PAK5: variants seen among roughly 807,000 people sequenced by gnomAD.
The protein encoded by PAK5 is p21 (RAC1) activated kinase 5.
PAK5 carries 16 observed loss-of-function variants against 65.9 expected under a neutral mutation model. The observed-to-expected ratio is 0.24, with a 90% CI of 0.16 to 0.37. The LOEUF is 0.37. PAK5 is among the 10% of genes least tolerant of loss of function. The pLI is 1.00. For missense variants in PAK5, 785 were observed against 903.9 expected, an observed-to-expected ratio of 0.87 and a Z score of 1.69; for synonymous variants, 371 against 354.9, an observed-to-expected ratio of 1.05 and a Z score of -0.51.
intron 3 of PAK5, among the ~76,000 whole-genome samples, chr20:9,642,044 A>AGC (rs2047075445): frequency 6.6e-6 from 1 of 152,202 alleles, no homozygotes; most frequent in Admixed American, 6.5e-5. Context: ...CCCACAGTGC[A>AGC]GCGGGGGGGC....
At chr20:9,825,517 T>C (rs1385690051) in intron 1 of PAK5, among the ~76,000 whole-genome samples, 1 of 152,182 alleles carries the variant, frequency 6.6e-6, no homozygotes, top group Non-Finnish European at 1.5e-5. Context: ...ACCATCCTTT[T>C]GCGTTTTGAT....
chr20:9,819,572 T>C (rs1322676505), intron 1 of PAK5, among the ~76,000 whole-genome samples: 1 of 152,204 alleles, frequency 6.6e-6, no homozygotes, highest in Non-Finnish European at 1.5e-5. Context: ...AAAAACATTT[T>C]TTTTTTTGCC....
intron 6 of PAK5, 77 bp downstream of exon 6, chr20:9,562,814 A>C (rs913969561): frequency 1.7e-5 from 23 of 1,329,358 alleles, no homozygotes; most frequent in Non-Finnish European, 2.4e-5. Flanking sequence ...ATTTATGAAG[A>C]GTTCATAGTC....
intron 1 of PAK5, among the ~76,000 whole-genome samples, chr20:9,823,700 G>T (rs2049450642): frequency 6.6e-6 from 1 of 152,106 alleles, no homozygotes; most frequent in South Asian, 2.1e-4. Flanking sequence ...TTAGCAGTGT[G>T]AGAACAGACT....
intron 2 of PAK5, among the ~76,000 whole-genome samples, chr20:9,696,789 T>C (rs961040342): frequency 6.6e-6 from 1 of 152,116 alleles, no homozygotes; most frequent in Non-Finnish European, 1.5e-5. Context: ...TTTATTTTTT[T>C]AATTTTCATT....
chr20:9,695,239 A>G (rs933288676), intron 2 of PAK5, among the ~76,000 whole-genome samples: 16 of 151,678 alleles, frequency 1.1e-4, no homozygotes, highest in African/African-American at 3.9e-4. Context: ...CCTTTTTCTT[A>G]CTCATTTGAT....
intron 1 of PAK5, among the ~76,000 whole-genome samples, chr20:9,729,615 A>G (rs1349243967): frequency 2.0e-5 from 3 of 152,144 alleles, no homozygotes; most frequent in Non-Finnish European, 4.4e-5. Flanking sequence ...AATGAGCCCT[A>G]TTTGATCTTC....
intron 2 of PAK5, among the ~76,000 whole-genome samples, chr20:9,696,772 A>G (rs893166739): frequency 1.3e-5 from 2 of 152,070 alleles, no homozygotes; most frequent in African/African-American, 4.8e-5. Context: ...GAAGTACTTG[A>G]AGAGTTTTTA....
chr20:9,659,016 C>T (rs183369282), intron 2 of PAK5, among the ~76,000 whole-genome samples: 1 of 152,182 alleles, frequency 6.6e-6, no homozygotes, highest in African/African-American at 2.4e-5. Context: ...TAAAAAGCCC[C>T]CCATATAATT....
intron 4 of PAK5, among the ~76,000 whole-genome samples, chr20:9,576,150 C>T (rs1333059861): frequency 6.6e-6 from 1 of 152,104 alleles, no homozygotes; most frequent in Non-Finnish European, 1.5e-5. Context: ...TTACTTAACC[C>T]TCATACTATA....
At position 9,634,845 on chromosome 20, in the gene PAK5, C is replaced by G. The variant is rs182308799; in HGVS notation, c.204+9280G>C. 3.3e-3 allele frequency among the ~76,000 whole-genome samples: 498 copies of G among 152,218 alleles called. 3 individuals carry two copies. Among genetic ancestry groups the G allele is most frequent in the African/African-American group, 0.011 (459 of 41,530 alleles). On this transcript the variant is annotated intron_variant, in intron 3 of 9. Coordinates refer to ENST00000353224, the MANE Select transcript of PAK5 (RefSeq NM_177990.4). Reference sequence around the variant, plus strand: ...GGAGGGCTGAAAAGGCATACTGACACTGGAAGGAGGGATTCCAGGAAGTAA... The same window carrying G: ...GGAGGGCTGAAAAGGCATACTGACAGTGGAAGGAGGGATTCCAGGAAGTAA...
chr20:9,656,294 C>T (rs1056262183), intron 2 of PAK5, among the ~76,000 whole-genome samples: 1 of 151,856 alleles, frequency 6.6e-6, no homozygotes, highest in Non-Finnish European at 1.5e-5. Context: ...AAAATATTTC[C>T]CTTGATAGAG....
At chr20:9,629,850 G>A (rs1282674847) in intron 3 of PAK5, among the ~76,000 whole-genome samples, 1 of 152,168 alleles carries the variant, frequency 6.6e-6, no homozygotes, top group Non-Finnish European at 1.5e-5. Context: ...GAGGAACATG[G>A]TAGAAAAAGC....
At chr20:9,819,916 G>A (rs563006008) in intron 1 of PAK5, among the ~76,000 whole-genome samples, 1 of 152,156 alleles carries the variant, frequency 6.6e-6, no homozygotes, top group Non-Finnish European at 1.5e-5. Context: ...AGAGCTGTAG[G>A]GGGGCTGTCC....
chr20:9,821,907 A>C (rs925753248), intron 1 of PAK5, among the ~76,000 whole-genome samples: 1 of 152,230 alleles, frequency 6.6e-6, no homozygotes, highest in Non-Finnish European at 1.5e-5. Flanking sequence ...CCTAAAAATG[A>C]TCATGGGCAT....
intron 1 of PAK5, among the ~76,000 whole-genome samples, chr20:9,789,026 C>A (rs1339121928): frequency 6.6e-6 from 1 of 152,156 alleles, no homozygotes; most frequent in East Asian, 1.9e-4. Context: ...ATATGGGAGT[C>A]CCTCCCTCCA....
Position 9,698,588 on chromosome 20 carries a change from C to T in PAK5, c.-12+12698G>A, listed in dbSNP as rs77180689. The stretch of plus-strand genomic sequence containing the variant: ...AGTCACAGGGCTAAGAATGATCATA[C>T]CTCCCATTCACTTCACACTGGACAC... On this transcript the variant is annotated intron_variant, in intron 2 of 9. Transcript: ENST00000353224. 7.2e-5 allele frequency among the ~76,000 whole-genome samples: 11 copies of T among 152,272 alleles called. No individual in the cohort carries two copies. The East Asian group carries it at 2.1e-3, about 29-fold the overall frequency.
At chr20:9,799,583 A>G (rs1452409115) in intron 1 of PAK5, among the ~76,000 whole-genome samples, 1 of 152,062 alleles carries the variant, frequency 6.6e-6, no homozygotes, top group Non-Finnish European at 1.5e-5. Context: ...TCAGTTCTGG[A>G]TACCACAGTG....
intron 7 of PAK5, among the ~76,000 whole-genome samples, chr20:9,552,974 G>A (rs909299736): frequency 5.9e-5 from 9 of 152,010 alleles, no homozygotes; most frequent in African/African-American, 2.2e-4. Context: ...CAATCCTCTT[G>A]TCTCAGCCTC....
Sources: gnomAD v4.1 joint callset for allele counts (sites outside exome capture counted in the v4.1 genomes callset) on GRCh38, gnomAD v4.1.1 for gene constraint, MANE v1.5 for transcripts, NCBI Gene and HGNC (gene_info 2026-07-23, HGNC 2026-07-21) for gene names.